P4HA3: variants seen among roughly 807,000 people sequenced by gnomAD.
P4HA3 encodes the protein prolyl 4-hydroxylase subunit alpha-3.
In P4HA3, 60 loss-of-function variants were observed where a neutral mutation model predicts 66.7. The observed-to-expected ratio is 0.90, with a 90% CI of 0.73 to 1.12. The LOEUF (loss-of-function observed/expected upper bound fraction) is 1.12. P4HA3 is among the 50% of genes most tolerant of loss of function. P4HA3 has a pLI of 0.00. For missense variants in P4HA3, 683 were observed against 685.8 expected (o/e 1.00, Z 0.05); for synonymous variants, 263 against 274.6 (o/e 0.96, Z 0.42).
At chr11:74,285,131 A>C (rs1160885095) in intron 7 of P4HA3, among the ~76,000 whole-genome samples, 1 of 152,108 alleles carries the variant, frequency 6.6e-6, no homozygotes, top group African/African-American at 2.4e-5. Flanking sequence ...AATTATGGGA[A>C]AATGACCTCT....
Position 74,266,765 on chromosome 11 carries a change from G to A in P4HA3, c.*483C>T, listed in dbSNP as rs900533109. ...CTTATATAATGTACCACTCATCTGG[G>A]ATATGCTTCTGGGAGGGGGACACTC... On this transcript the variant is annotated 3_prime_UTR_variant, in exon 13 of 13. Transcript: ENST00000331597. The A allele has an allele frequency of 1.2e-5, 5 of 412,128 alleles. No individual in the cohort carries two copies. Among genetic ancestry groups the A allele is most frequent in the African/African-American group, 2.0e-5 (1 of 50,562 alleles). The allele number at this position is 412,128 out of a possible 1,614,324, so 25.5% of individuals were successfully genotyped here. A position where few individuals can be genotyped will look rare whatever the true frequency, so the allele number is the denominator to read the frequency against.
At chr11:74,280,691 G>T (rs1011136566) in intron 7 of P4HA3, among the ~76,000 whole-genome samples, 2 of 152,108 alleles carry the variant, frequency 1.3e-5, no homozygotes, top group African/African-American at 2.4e-5. Flanking sequence ...GAATGAAATA[G>T]GGCACTGCCC....
chr11:74,274,503 C>T (rs1412902400), intron 9 of P4HA3, among the ~76,000 whole-genome samples: 2 of 150,264 alleles, frequency 1.3e-5, no homozygotes, highest in African/African-American at 2.5e-5. Flanking sequence ...TTAGTAGAGA[C>T]GGGGTTTCAC....
In P4HA3 at chr11:74,287,562, T is replaced by C. The variant is rs150035402; in HGVS notation, c.770-1171A>G. ...TTGTTTGTACCACTAATTACTCATG[T>C]GTTTGTAGATACACAGCTACTTCCT... On this transcript the variant is annotated intron_variant, in intron 5 of 12. Coordinates refer to ENST00000331597, the MANE Select transcript of P4HA3 (RefSeq NM_182904.5). 6.1e-4 allele frequency among the ~76,000 whole-genome samples: 93 copies of C among 152,350 alleles called. 1 individual carries two copies. The highest frequency in any genetic ancestry group is 1.8e-3 in the African/African-American group (73 of 41,586).
At chr11:74,272,074 C>A (rs1411575250) in intron 10 of P4HA3, among the ~76,000 whole-genome samples, 1 of 152,098 alleles carries the variant, frequency 6.6e-6, no homozygotes, top group African/African-American at 2.4e-5. Context: ...GTGCTGAGGC[C>A]ACATAGTAAG....
At chr11:74,298,519 G>A (rs534511841) in intron 3 of P4HA3, among the ~76,000 whole-genome samples, 158 bp from the exon 4 acceptor site, 13 of 152,258 alleles carry the variant, frequency 8.5e-5, no homozygotes, top group African/African-American at 1.4e-4. Flanking sequence ...TATATACAAC[G>A]CATTGTACTA....
rs556944674 is a variant in P4HA3, at chr11:74,298,368, A to G, written c.568-7T>C. On this transcript the variant is annotated splice_polypyrimidine_tract_variant and splice_region_variant and intron_variant, in intron 3 of 12. Transcript: ENST00000331597. ...CCCCCATGTCATAGGCCACCTACAC[A>G]GAACACAAGTACCATCGCCAAAGCC... The G allele has an allele frequency of 6.2e-7, 1 of 1,613,068 alleles. No homozygotes were observed. Among genetic ancestry groups the G allele is most frequent in the South Asian group, 1.1e-5 (1 of 90,950 alleles).
At chr11:74,287,118 G>A in intron 5 of P4HA3, 36 of 1,208,018 alleles carry the variant, frequency 3.0e-5, no homozygotes, top group Non-Finnish European at 3.7e-5. Flanking sequence ...GTGCCCACCT[G>A]TTTGTACCCA....
In P4HA3 at chr11:74,311,550, G is replaced by C; in HGVS notation, c.62C>G (p.Pro21Arg). 6.4e-7 allele frequency: 1 copy of C among 1,551,896 alleles called. No individual in the cohort carries two copies. Among genetic ancestry groups the C allele is most frequent in the Non-Finnish European group, 8.6e-7 (1 of 1,158,766 alleles). The change falls in exon 1 of 13, where the codon CCA becomes CGA. Residue 21 changes from proline (P) to arginine (R), a missense_variant. Transcript: ENST00000331597. ...GTCGCCCCGAGCCGCAGCCCTTTCT[G>C]GGTCTCCTGTCCCGAGCGCCAGCAC... The part of the protein sequence containing the change: ...LAVLALGTGD[P>R]ERAAARGDTF...
At chr11:74,285,778 G>T (rs375362063) in intron 7 of P4HA3, 31 bp downstream of exon 7, 19 of 1,601,364 alleles carry the variant, frequency 1.2e-5, no homozygotes, top group Non-Finnish European at 1.5e-5. Flanking sequence ...AGATGAAAGA[G>T]AAATTCTTGG....
chr11:74,280,935 C>T (rs986386640), intron 7 of P4HA3, among the ~76,000 whole-genome samples: 5 of 152,138 alleles, frequency 3.3e-5, no homozygotes, highest in African/African-American at 4.8e-5. Flanking sequence ...TCAGAGTGAA[C>T]AGGCAACCTA....
At chr11:74,303,401 T>A (rs1253062268) in intron 2 of P4HA3, among the ~76,000 whole-genome samples, 1 of 150,572 alleles carries the variant, frequency 6.6e-6, no homozygotes, top group East Asian at 2.0e-4. Flanking sequence ...TTCAAGCAAT[T>A]CTTGTGCCTC....
chr11:74,255,741 C>T (rs1015778741), intron 15 of P4HA3, among the ~76,000 whole-genome samples: 9 of 152,142 alleles, frequency 5.9e-5, no homozygotes, highest in African/African-American at 2.2e-4. Flanking sequence ...CTTGGAAGCT[C>T]GTTAGAGAAC....
At position 74,267,305 on chromosome 11, in the gene P4HA3, C is replaced by T; in HGVS notation, c.1578G>A (p.Trp526Ter). 6.2e-7 allele frequency: 1 copy of T among 1,614,160 alleles called. No individual in the cohort carries two copies. Among genetic ancestry groups the T allele is most frequent in the South Asian group, 1.1e-5 (1 of 91,082 alleles). Residue 526 changes from tryptophan (W) to a stop codon, truncating the protein, a stop_gained, in exon 13 of 13, where the codon TGG becomes TGA. Transcript: ENST00000331597. LOFTEE classifies it high-confidence loss of function. ...GGAATTCCTGTCCATACTCATGTAT[C>T]CACTTGTTGGCCACTGGGAGAGAAC... Reference protein sequence around the residue: ...LVGDKWVANKWIHEYGQEFRR... With the variant: ...LVGDKWVANK
chr11:74,282,523 C>G (rs775492988), intron 7 of P4HA3, among the ~76,000 whole-genome samples: 1 of 152,060 alleles, frequency 6.6e-6, no homozygotes, highest in Admixed American at 6.5e-5. Flanking sequence ...GCAGCTGGAG[C>G]GTCAAGTGCC....
intron 5 of P4HA3, among the ~76,000 whole-genome samples, chr11:74,286,695 G>C (rs1165993339): frequency 3.3e-5 from 5 of 152,182 alleles, no homozygotes; most frequent in Admixed American, 3.3e-4. Flanking sequence ...GGGATACTGT[G>C]ATGGTATATA....
At chr11:74,283,870 G>C (rs1363683213) in intron 7 of P4HA3, among the ~76,000 whole-genome samples, 1 of 151,266 alleles carries the variant, frequency 6.6e-6, no homozygotes, top group African/African-American at 2.4e-5. Context: ...AGGAAGCCTT[G>C]CTTTTTTATG....
At chr11:74,268,358 G>A (rs1591087027) in intron 11 of P4HA3, 117 bp from the exon 12 acceptor site, 1 of 840,666 alleles carries the variant, frequency 1.2e-6, no homozygotes, top group East Asian at 2.5e-5. Flanking sequence ...TGCAGTCTGG[G>A]GGCAATGCAT....
chr11:74,261,301 G>A (rs1303869225), intron 14 of P4HA3, among the ~76,000 whole-genome samples: 1 of 152,020 alleles, frequency 6.6e-6, no homozygotes, highest in African/African-American at 2.4e-5. Context: ...ACTGGCTTGT[G>A]AGTATGCAAA....
Sources: gnomAD v4.1 joint callset for allele counts (sites outside exome capture counted in the v4.1 genomes callset) on GRCh38, gnomAD v4.1.1 for gene constraint, MANE v1.5 for transcripts, NCBI Gene and HGNC (gene_info 2026-07-23, HGNC 2026-07-21) for gene names.